PPP1R12A: variants seen among roughly 807,000 people sequenced by gnomAD.
PPP1R12A encodes the protein protein phosphatase 1 regulatory subunit 12A, also known as myosin binding subunit.
PPP1R12A carries 19 observed loss-of-function variants against 139.6 expected under a neutral mutation model. The ratio of observed to expected loss-of-function variants is 0.14; its 90% CI spans 0.09 to 0.20. The LOEUF is 0.20. PPP1R12A is among the 10% of genes least tolerant of loss of function. PPP1R12A has a pLI of 1.00. For synonymous variants in PPP1R12A, 427 were observed against 420.6 expected (o/e 1.02, Z -0.19); for missense variants, 925 against 1,211.5 (o/e 0.76, Z 3.51).
At chr12:79,806,043 G>C in intron 13 of PPP1R12A, 123 bp downstream of exon 13, 2 of 1,311,578 alleles carry the variant, frequency 1.5e-6, no homozygotes, top group African/African-American at 1.5e-5. Flanking sequence ...ACCAATTTTT[G>C]TCTGCAAATA....
At chr12:79,887,947 T>A (rs2137408961) in intron 1 of PPP1R12A, among the ~76,000 whole-genome samples, 1 of 152,270 alleles carries the variant, frequency 6.6e-6, no homozygotes, top group Admixed American at 6.5e-5. Context: ...CATAAAATTG[T>A]TACAGTCTTC....
intron 1 of PPP1R12A, among the ~76,000 whole-genome samples, chr12:79,924,122 C>T (rs965223628): frequency 6.6e-6 from 1 of 152,142 alleles, no homozygotes; most frequent in Admixed American, 6.5e-5. Context: ...TTAATAATTA[C>T]TTATTAAATT....
At chr12:79,873,267 TGCTG>T (rs1882750892) in intron 1 of PPP1R12A, among the ~76,000 whole-genome samples, 1 of 152,098 alleles carries the variant, frequency 6.6e-6, no homozygotes, top group Admixed American at 6.6e-5. Flanking sequence ...AAATGTTGTC[TGCTG>T]GGGGAAGGGG....
intron 12 of PPP1R12A, 181 bp downstream of exon 12, chr12:79,807,045 C>T (rs1592644016): frequency 2.4e-6 from 1 of 423,568 alleles, no homozygotes. Context: ...ATAGGCATAA[C>T]AAATTATCAC....
Position 79,880,107 on chromosome 12 carries a change from A to G in PPP1R12A, c.238-7169T>C, listed in dbSNP as rs573282549. ...AGCTATTTTTCATATTATATATACT[A>G]AAAAGTATATATGCCAAGATCGTAT... On this transcript the variant is annotated intron_variant, in intron 1 of 24. Coordinates refer to ENST00000450142, the MANE Select transcript of PPP1R12A (RefSeq NM_002480.3). Among the ~76,000 whole-genome samples the G allele has an allele frequency of 2.0e-5, 3 of 152,274 alleles. No individual in the cohort carries two copies. The East Asian group carries it at 5.8e-4, about 29-fold the overall frequency.
chr12:79,917,027 T>C (rs1887048509), intron 1 of PPP1R12A, among the ~76,000 whole-genome samples: 1 of 152,060 alleles, frequency 6.6e-6, no homozygotes, highest in African/African-American at 2.4e-5. Context: ...CCTATGTAAA[T>C]AACCCCCCAA....
chr12:79,793,764 C>T, intron 19 of PPP1R12A, 99 bp downstream of exon 19: 1 of 886,274 alleles, frequency 1.1e-6, no homozygotes, highest in Non-Finnish European at 1.7e-6. Flanking sequence ...GTAGAGTATG[C>T]AATAACTGCT....
chr12:79,798,919 T>C (rs564013936), intron 14 of PPP1R12A, among the ~76,000 whole-genome samples: 2 of 152,216 alleles, frequency 1.3e-5, no homozygotes, highest in South Asian at 2.1e-4. Flanking sequence ...TTGAAAAAAA[T>C]AGAAGGATTT....
intron 14 of PPP1R12A, among the ~76,000 whole-genome samples, chr12:79,801,072 G>GC (rs1022844763): frequency 4.6e-5 from 7 of 150,782 alleles, no homozygotes; most frequent in South Asian, 2.1e-4. Context: ...TTGGCTGGGC[G>GC]CGGTGGCTCA....
At position 79,886,600 on chromosome 12, in the gene PPP1R12A, T is replaced by C. The variant is rs548947543; in HGVS notation, c.238-13662A>G. On this transcript the variant is annotated intron_variant, in intron 1 of 24. Transcript: ENST00000450142. ...TATATATAGTATCTAAGAGTAATTA[T>C]AGAAGAACAGTGTCTGACAAAGAGA... 6.6e-5 allele frequency among the ~76,000 whole-genome samples: 10 copies of C among 152,204 alleles called. No homozygotes were observed. In the South Asian group the frequency reaches 1.9e-3, roughly 28 times the overall value.
At chr12:79,868,770 A>C (rs1357783978) in intron 2 of PPP1R12A, among the ~76,000 whole-genome samples, 1 of 149,734 alleles carries the variant, frequency 6.7e-6, no homozygotes, top group Non-Finnish European at 1.5e-5. Flanking sequence ...TGAAGTACTG[A>C]AGGTTAGGGT....
At chr12:79,809,417 T>C (rs1008332317) in intron 10 of PPP1R12A, among the ~76,000 whole-genome samples, 1 of 152,168 alleles carries the variant, frequency 6.6e-6, no homozygotes, top group Non-Finnish European at 1.5e-5. Flanking sequence ...TTTCAGATAC[T>C]GAATAAATGT....
chr12:79,862,570 A>C (rs1028435016), intron 2 of PPP1R12A, among the ~76,000 whole-genome samples: 1 of 152,202 alleles, frequency 6.6e-6, no homozygotes, highest in African/African-American at 2.4e-5. Flanking sequence ...AAAAACCTTG[A>C]AAAAAGGTTA....
intron 15 of PPP1R12A, among the ~76,000 whole-genome samples, chr12:79,797,603 C>A (rs1872635210): frequency 6.6e-6 from 1 of 152,054 alleles, no homozygotes; most frequent in South Asian, 2.1e-4. Context: ...ATACTCTATG[C>A]ATATAAATGT....
intron 12 of PPP1R12A, 29 bp downstream of exon 12, chr12:79,807,197 T>A: frequency 7.5e-7 from 1 of 1,327,186 alleles, no homozygotes; most frequent in Non-Finnish European, 1.0e-6. Flanking sequence ...AATGAATACA[T>A]AAAAACCGCT....
intron 1 of PPP1R12A, among the ~76,000 whole-genome samples, chr12:79,892,629 T>C (rs891165253): frequency 6.6e-6 from 1 of 152,170 alleles, no homozygotes; most frequent in Non-Finnish European, 1.5e-5. Flanking sequence ...CTTCAAAGCA[T>C]ATCACTATCC....
chr12:79,886,470 T>A (rs987531700), intron 1 of PPP1R12A, among the ~76,000 whole-genome samples: 1 of 152,150 alleles, frequency 6.6e-6, no homozygotes, highest in African/African-American at 2.4e-5. Context: ...AATTAAATAT[T>A]CAAATGAGAT....
intron 1 of PPP1R12A, among the ~76,000 whole-genome samples, chr12:79,915,729 G>A (rs375819882): frequency 2.0e-5 from 3 of 151,890 alleles, no homozygotes; most frequent in African/African-American, 7.3e-5. Flanking sequence ...CTGCTTAAAC[G>A]TTACACAGGA....
intron 14 of PPP1R12A, among the ~76,000 whole-genome samples, chr12:79,801,208 G>T (rs1316679680): frequency 6.6e-6 from 1 of 150,944 alleles, no homozygotes; most frequent in African/African-American, 2.4e-5. Flanking sequence ...AGCCGGGCGT[G>T]GTGGCGCATG....
Sources: gnomAD v4.1 joint callset for allele counts (sites outside exome capture counted in the v4.1 genomes callset) on GRCh38, gnomAD v4.1.1 for gene constraint, MANE v1.5 for transcripts, NCBI Gene and HGNC (gene_info 2026-07-23, HGNC 2026-07-21) for gene names.